Variants in PTK2 observed in about 807,000 individuals in gnomAD.
PTK2 encodes the protein focal adhesion kinase 1.
A neutral mutation model predicts 150.1 loss-of-function variants in PTK2; 45 were observed. The ratio of observed to expected loss-of-function variants is 0.30; its 90% confidence interval spans 0.24 to 0.38. PTK2 has a LOEUF of 0.38. PTK2 is among the 10% of genes least tolerant of loss of function. PTK2 has a pLI of 1.00. For missense variants in PTK2, 919 were observed against 1,307.3 expected, an observed-to-expected ratio of 0.70 and a Z score of 4.58; for synonymous variants, 432 against 449.2, an observed-to-expected ratio of 0.96 and a Z score of 0.48.
intron 1 of PTK2, among the ~76,000 whole-genome samples, chr8:140,953,961 C>T (rs1257181675): frequency 7.2e-6 from 1 of 139,692 alleles, no homozygotes; most frequent in East Asian, 2.1e-4. Context: ...GTTACCCAGG[C>T]TGGTCTGAAT....
intron 7 of PTK2, among the ~76,000 whole-genome samples, chr8:140,840,911 G>T (rs1248645686): frequency 2.0e-5 from 3 of 152,044 alleles, no homozygotes; most frequent in African/African-American, 7.2e-5. Flanking sequence ...GAAATGAAAA[G>T]TATAAACCAG....
At chr8:140,916,768 C>T (rs977075155) in intron 2 of PTK2, among the ~76,000 whole-genome samples, 4 of 152,112 alleles carry the variant, frequency 2.6e-5, no homozygotes, top group Admixed American at 6.5e-5. Context: ...TGGGTGTGTA[C>T]GGCATATTGA....
In PTK2 at chr8:140,738,992, AATACAAAACTTTT is replaced by A. The variant is rs747775764; in HGVS notation, c.1825+13_1825+25del. ...AACATATGAAATATAATTTTTAAAG[AATACAAAACTTTT>A]AAGAGTACTCACCAAACATCCATAC... On this transcript the variant is annotated intron_variant, in intron 21 of 31. Coordinates refer to ENST00000522684, the Ensembl canonical transcript of PTK2. 1 of 1,418,138 alleles carries A rather than the reference AATACAAAACTTTT, an allele frequency of 7.1e-7. No individual in the cohort carries two copies. Among genetic ancestry groups the A allele is most frequent in the East Asian group, 2.4e-5 (1 of 41,256 alleles). 87.8% of individuals were successfully genotyped at this position (1,418,138 alleles called of 1,614,324 possible).
intron 1 of PTK2, among the ~76,000 whole-genome samples, chr8:140,966,140 T>C (rs915360907): frequency 2.6e-5 from 4 of 152,196 alleles, no homozygotes; most frequent in Non-Finnish European, 5.9e-5. Flanking sequence ...TCATTAAATA[T>C]GAAGACAAAC....
chr8:140,719,126 A>AGAT (rs2100041379), intron 22 of PTK2, among the ~76,000 whole-genome samples: 1 of 152,146 alleles, frequency 6.6e-6, no homozygotes, highest in African/African-American at 2.4e-5. Flanking sequence ...GGGTGAGCTG[A>AGAT]GATCACGCCA....
chr8:140,798,445 T>G (rs2100092981), intron 12 of PTK2, among the ~76,000 whole-genome samples: 1 of 152,198 alleles, frequency 6.6e-6, no homozygotes, highest in African/African-American at 2.4e-5. Flanking sequence ...AAACAACCAA[T>G]GCCCTATCTA....
intron 16 of PTK2, among the ~76,000 whole-genome samples, chr8:140,754,726 A>G (rs1051499723): frequency 8.5e-5 from 13 of 152,230 alleles, no homozygotes; most frequent in African/African-American, 3.1e-4. Context: ...ACATGAGCAG[A>G]TTATGAGGCT....
chr8:140,977,356 G>A (rs1184437515), intron 1 of PTK2, among the ~76,000 whole-genome samples: 1 of 152,312 alleles, frequency 6.6e-6, no homozygotes, highest in South Asian at 2.1e-4. Context: ...GGGCGCGGTA[G>A]CTCACGTCTG....
rs1293195107 is a variant in PTK2, at chr8:140,669,489, A to G, written c.2710-1065T>C. 1.0e-5 allele frequency: 5 copies of G among 492,186 alleles called. No individual in the cohort carries two copies. In the East Asian group the frequency reaches 1.3e-4, roughly 13 times the overall value. The allele number at this position is 492,186 out of a possible 1,614,324, so 30.5% of individuals were successfully genotyped here. ...AACAGATTAATTCTTGGTTGTTCCA[A>G]AAGTCTGGGTATGAGATAGAAAAGC... On this transcript the variant is annotated intron_variant, in intron 29 of 31. Transcript: ENST00000522684.
intron 2 of PTK2, among the ~76,000 whole-genome samples, chr8:140,909,393 C>T (rs1314247486): frequency 6.6e-6 from 1 of 152,188 alleles, no homozygotes; most frequent in Non-Finnish European, 1.5e-5. Flanking sequence ...ACAGCTAAAA[C>T]TTCACCTAAA....
intron 22 of PTK2, among the ~76,000 whole-genome samples, chr8:140,727,292 ATT>A (rs1462118747): frequency 6.6e-6 from 1 of 152,144 alleles, no homozygotes; most frequent in Non-Finnish European, 1.5e-5. Flanking sequence ...AGTAGAAACA[ATT>A]TACGTTTTAC....
Position 140,804,971 on chromosome 8 carries a change from T to C in PTK2, c.868-1321A>G, listed in dbSNP as rs1049349409. Among the ~76,000 whole-genome samples, 11 of 152,308 alleles carry C rather than the reference T, an allele frequency of 7.2e-5. No homozygotes were observed. The East Asian group carries it at 1.7e-3, about 24-fold the overall frequency. On this transcript the variant is annotated intron_variant, in intron 10 of 31. Transcript: ENST00000522684. ...CACCTCACTGGTCTCTCTTTCCCAG[T>C]TCTTTTTACTGGCTTCTCCCCTACT... is the stretch of plus-strand genomic sequence containing the variant.
intron 27 of PTK2, 55 bp from the exon 31 acceptor site, chr8:140,675,554 CCT>C (rs2100013133): frequency 7.6e-7 from 1 of 1,310,034 alleles, no homozygotes; most frequent in South Asian, 1.2e-5. Context: ...TGGGCAATGA[CCT>C]CTCTCACCCA....
intron 5 of PTK2, among the ~76,000 whole-genome samples, chr8:140,859,365 T>C (rs199955010): frequency 6.6e-6 from 1 of 152,150 alleles, no homozygotes; most frequent in East Asian, 1.9e-4. Context: ...AGTAGGGTCA[T>C]GGGTATTCAT....
chr8:140,992,219 G>A (rs1020896747), intron 1 of PTK2, among the ~76,000 whole-genome samples: 3 of 150,704 alleles, frequency 2.0e-5, no homozygotes, highest in African/African-American at 7.3e-5. Flanking sequence ...TTGAACCCGA[G>A]AGGCAGAGGT....
chr8:140,871,763 T>C (rs1052467061), intron 4 of PTK2, among the ~76,000 whole-genome samples: 2 of 152,116 alleles, frequency 1.3e-5, no homozygotes, highest in African/African-American at 4.8e-5. Flanking sequence ...CCTCTAGTCC[T>C]AGGTAACTGG....
At chr8:140,986,178 G>A (rs1323148759) in intron 1 of PTK2, among the ~76,000 whole-genome samples, 1 of 152,174 alleles carries the variant, frequency 6.6e-6, no homozygotes, top group East Asian at 1.9e-4. Context: ...ATGAGCACTT[G>A]AAATGGGACT....
intron 10 of PTK2, among the ~76,000 whole-genome samples, chr8:140,806,410 G>A (rs1359892793): frequency 6.6e-6 from 1 of 152,098 alleles, no homozygotes; most frequent in Non-Finnish European, 1.5e-5. Flanking sequence ...AACAGAGGAT[G>A]TCGGAGGCGC....
Position 140,758,043 on chromosome 8 carries a change from C to CT in PTK2, c.1332+3121dup, listed in dbSNP as rs1039432635. ...TGTGTATTTACTATACTTTGTTTTT[C>CT]TTTTTTTCTAATATACTACACTTTT... On this transcript the variant is annotated intron_variant, in intron 16 of 31. Coordinates refer to ENST00000522684, the Ensembl canonical transcript of PTK2. 6.1e-4 allele frequency among the ~76,000 whole-genome samples: 93 copies of CT among 152,056 alleles called. 2 individuals carry two copies. Among genetic ancestry groups the CT allele is most frequent in the Admixed American group, 2.6e-4 (4 of 15,254 alleles).
Sources: gnomAD v4.1 joint callset for allele counts (sites outside exome capture counted in the v4.1 genomes callset) on GRCh38, gnomAD v4.1.1 for gene constraint, MANE v1.5 for transcripts, NCBI Gene and HGNC (gene_info 2026-07-23, HGNC 2026-07-21) for gene names.